The following TENM3 variants were observed in gnomAD, a reference collection of about 807,000 sequenced individuals.
The protein encoded by TENM3 is teneurin-3.
TENM3 carries 63 observed loss-of-function variants against 255.1 expected under a neutral mutation model. The ratio of observed to expected loss-of-function variants is 0.25; its 90% CI spans 0.20 to 0.30. The LOEUF (loss-of-function observed/expected upper bound fraction) is 0.30, where lower values mean the gene tolerates loss of function less well. TENM3 is among the 10% of genes least tolerant of loss of function. The pLI is 1.00. For missense variants in TENM3, 2,929 were observed against 3,461.1 expected (o/e 0.85, Z 3.86); for synonymous variants, 1,306 against 1,322.3 (o/e 0.99, Z 0.27).
At chr4:182,486,244 T>TA (rs1734693448) in intron 3 of TENM3, among the ~76,000 whole-genome samples, 1 of 120,476 alleles carries the variant, frequency 8.3e-6, no homozygotes, top group Non-Finnish European at 1.6e-5. Flanking sequence ...AATAAACTTT[T>TA]AAAAAGATTT....
the TENM3 span, among the ~76,000 whole-genome samples, chr4:181,514,066 T>C: frequency 6.6e-6 from 1 of 152,160 alleles, no homozygotes; most frequent in South Asian, 2.1e-4. Context: ...TGTCAATCCA[T>C]AGTAAATAAT....
intron 3 of TENM3, among the ~76,000 whole-genome samples, chr4:182,428,998 G>C (rs554750579): frequency 3.9e-5 from 6 of 152,118 alleles, no homozygotes; most frequent in Admixed American, 3.9e-4. Context: ...CCCAGTGTTA[G>C]GAAATATCTT....
chr4:182,346,901 G>A lies in TENM3; in HGVS notation c.483G>A (p.Glu161=), dbSNP rs1011628120. 6.2e-7 allele frequency: 1 copy of A among 1,610,150 alleles called. No homozygotes were observed. Among genetic ancestry groups the A allele is most frequent in the African/African-American group, 1.3e-5 (1 of 74,770 alleles). Residue 161 remains glutamate (E), a synonymous_variant, in exon 3 of 28, where the codon GAG becomes GAA. Coordinates refer to ENST00000511685, the MANE Select transcript of TENM3 (RefSeq NM_001080477.4). The part of the protein sequence containing the change: ...SNSALTLTDT[E]HENKSDSENE... ...CAGCCCTCACCCTGACAGATACGGA[G>A]CACGAAAACAAGTCCGACAGTGAGA...
At chr4:181,678,973 G>A in the TENM3 span, among the ~76,000 whole-genome samples, 4 of 151,992 alleles carry the variant, frequency 2.6e-5, no homozygotes, top group East Asian at 1.9e-4. Context: ...ATTCCAACAC[G>A]TCTGTTAAAG....
chr4:182,657,693 G>T lies in TENM3; in HGVS notation c.1111+3800G>T, dbSNP rs535569246. On this transcript the variant is annotated intron_variant, in intron 6 of 27. Transcript: ENST00000511685. ...TTTTGAGACAGGGTCTCACTCTGTC[G>T]CCCAGGCTGGAATGCAGTGGCACAG... is the stretch of plus-strand genomic sequence containing the variant. Among the ~76,000 whole-genome samples the T allele has an allele frequency of 2.4e-4, 37 of 151,964 alleles. No homozygotes were observed. In the South Asian group the frequency reaches 7.7e-3, roughly 32 times the overall value.
At chr4:182,016,081 C>T in the TENM3 span, among the ~76,000 whole-genome samples, 2 of 152,136 alleles carry the variant, frequency 1.3e-5, no homozygotes, top group Non-Finnish European at 2.9e-5. Flanking sequence ...AGATTTGTCT[C>T]TGATGACTCA....
At chr4:182,323,065 C>A (rs2726822) in intron 1 of TENM3, among the ~76,000 whole-genome samples, 120,369 of 151,998 alleles carry the variant, frequency 0.79, 48,403 homozygotes, top group African/African-American at 0.91. Flanking sequence ...AATGCGGATT[C>A]GCCCCGGGCC....
chr4:182,405,620 G>C (rs543156128), intron 3 of TENM3, among the ~76,000 whole-genome samples: 6 of 152,188 alleles, frequency 3.9e-5, no homozygotes, highest in Admixed American at 1.3e-4. Context: ...TAGGTCCTAG[G>C]TACTGGGGAT....
chr4:182,381,011 C>G (rs1037885492), intron 3 of TENM3, among the ~76,000 whole-genome samples: 61 of 152,212 alleles, frequency 4.0e-4, no homozygotes, highest in South Asian at 4.1e-4. Context: ...TTCCTCTGTG[C>G]TAGCACAGGG....
intron 1 of TENM3, among the ~76,000 whole-genome samples, chr4:182,191,349 C>G (rs944336335): frequency 6.6e-6 from 1 of 152,134 alleles, no homozygotes; most frequent in Admixed American, 6.5e-5. Flanking sequence ...GTGCCTCCCA[C>G]TCTTTGCCTT....
the TENM3 span, among the ~76,000 whole-genome samples, chr4:181,610,441 C>T: frequency 6.6e-6 from 1 of 152,132 alleles, no homozygotes; most frequent in African/African-American, 2.4e-5. Flanking sequence ...ATTTTAATCC[C>T]GGGTTTTGTC....
At chr4:181,519,458 TGTTA>T in the TENM3 span, among the ~76,000 whole-genome samples, 1 of 152,352 alleles carries the variant, frequency 6.6e-6, no homozygotes, top group African/African-American at 2.4e-5. Flanking sequence ...GTGTATCTTC[TGTTA>T]GTTCTATCAG....
the TENM3 span, among the ~76,000 whole-genome samples, chr4:181,997,194 C>G: frequency 6.6e-6 from 1 of 152,134 alleles, no homozygotes; most frequent in African/African-American, 2.4e-5. Context: ...TCTAACATCT[C>G]TAGTTGATTC....
At chr4:182,637,334 C>G (rs1484230726) in intron 5 of TENM3, among the ~76,000 whole-genome samples, 1 of 152,142 alleles carries the variant, frequency 6.6e-6, no homozygotes, top group African/African-American at 2.4e-5. Context: ...TGTCTGCAGA[C>G]TGCTCACATT....
At chr4:181,690,907 C>T in the TENM3 span, among the ~76,000 whole-genome samples, 1 of 149,184 alleles carries the variant, frequency 6.7e-6, no homozygotes, top group East Asian at 2.0e-4. Context: ...CCATATAGAC[C>T]TTTTGTGACT....
intron 3 of TENM3, among the ~76,000 whole-genome samples, chr4:182,560,052 AC>A (rs1378772679): frequency 6.6e-6 from 1 of 151,714 alleles, no homozygotes; most frequent in Admixed American, 6.6e-5. Flanking sequence ...CCTATTATGT[AC>A]CTATAAAAAT....
chr4:181,512,836 CATTTAG>C, the TENM3 span, among the ~76,000 whole-genome samples: 3 of 152,262 alleles, frequency 2.0e-5, no homozygotes, highest in South Asian at 6.2e-4. Flanking sequence ...AGTCTAGACA[CATTTAG>C]ATTAGAAACA....
chr4:182,160,294 G>T (rs1579545633), intron 1 of TENM3, among the ~76,000 whole-genome samples: 1 of 152,042 alleles, frequency 6.6e-6, no homozygotes, highest in Non-Finnish European at 1.5e-5. Flanking sequence ...GAGCCACCGC[G>T]CCCGCCTATT....
Position 182,524,940 on chromosome 4 carries a change from G to A in TENM3, c.512-75984G>A, listed in dbSNP as rs1739001855. ...AGCTACACAGGAGGCTGAAGTGGAAGGATTGCTTGAACCCAAGAAGTGGAA... is the reference window on the plus strand; with the variant it reads ...AGCTACACAGGAGGCTGAAGTGGAAAGATTGCTTGAACCCAAGAAGTGGAA... On this transcript the variant is annotated intron_variant, in intron 3 of 27. Transcript: ENST00000511685. Among the ~76,000 whole-genome samples, 2 of 152,120 alleles carry A rather than the reference G, an allele frequency of 1.3e-5. 1 individual carries two copies. The highest frequency in any genetic ancestry group is 4.8e-5 in the African/African-American group (2 of 41,418).
Sources: gnomAD v4.1 joint callset for allele counts (sites outside exome capture counted in the v4.1 genomes callset) on GRCh38, gnomAD v4.1.1 for gene constraint, MANE v1.5 for transcripts, NCBI Gene and HGNC (gene_info 2026-07-23, HGNC 2026-07-21) for gene names.